LTBP1: variants seen among roughly 807,000 people sequenced by gnomAD.
The protein encoded by LTBP1 is latent transforming growth factor beta binding protein 1.
A neutral mutation model predicts 207.6 loss-of-function variants in LTBP1; 129 were observed. The observed-to-expected ratio is 0.62, with a 90% CI of 0.54 to 0.72. LTBP1 has a LOEUF of 0.72. Among genes scored for constraint, LTBP1 ranks in the 30% least tolerant of loss-of-function variants. The pLI, the probability that LTBP1 is intolerant of heterozygous loss-of-function variation, is 0.00. For missense variants in LTBP1, 2,281 were observed against 2,217.2 expected, an observed-to-expected ratio of 1.03 and a Z score of -0.58; for synonymous variants, 963 against 833.7, an observed-to-expected ratio of 1.16 and a Z score of -2.67.
At chr2:33,346,463 C>T (rs893694371) in intron 25 of LTBP1, among the ~76,000 whole-genome samples, 1 of 151,998 alleles carries the variant, frequency 6.6e-6, no homozygotes, top group Non-Finnish European at 1.5e-5. Context: ...GCAGGCGGAT[C>T]ACTTGAGGTC....
chr2:33,274,674 T>G (rs370985431), intron 16 of LTBP1, among the ~76,000 whole-genome samples: 2 of 152,230 alleles, frequency 1.3e-5, no homozygotes, highest in African/African-American at 4.8e-5. Flanking sequence ...CTTGGATGTC[T>G]CTCGTTATCA....
chr2:33,237,581 C>T (rs936250336), intron 9 of LTBP1, among the ~76,000 whole-genome samples: 1 of 152,200 alleles, frequency 6.6e-6, no homozygotes, highest in Non-Finnish European at 1.5e-5. Flanking sequence ...TTCATCAAAA[C>T]TTTGGAGCTG....
chr2:32,947,189 C>T lies in LTBP1; in HGVS notation c.-136C>T. 1 of 583,316 alleles carries T rather than the reference C, an allele frequency of 1.7e-6. No individual in the cohort carries two copies. The highest frequency in any genetic ancestry group is 2.5e-6 in the Non-Finnish European group (1 of 404,794). 36.1% of individuals were successfully genotyped at this position (583,316 alleles called of 1,614,324 possible). On this transcript the variant is annotated 5_prime_UTR_variant, in exon 1 of 34. Coordinates refer to ENST00000404816, the MANE Select transcript of LTBP1 (RefSeq NM_206943.4). ...CCCGCAGAGCCTCCTCCCTCGCCAC[C>T]GACTTGGTCTCCTCCCGCCTTTCCC...
At position 32,950,548 on chromosome 2, in the gene LTBP1, C is replaced by G. The variant is rs1212559438; in HGVS notation, c.565+1603C>G. Among the ~76,000 whole-genome samples, 5 of 108,198 alleles carry G rather than the reference C, an allele frequency of 4.6e-5. No individual in the cohort carries two copies. The East Asian group carries it at 1.4e-3, about 31-fold the overall frequency. 71.0% of individuals were successfully genotyped at this position (108,198 alleles called of 152,430 possible). On this transcript the variant is annotated intron_variant, in intron 2 of 33. Transcript: ENST00000404816. Reference sequence around the variant, plus strand: ...CACTCCAGCCTGGGTGACAATGACTCTGTCTCAAAAAAAAAAAAAAAAAAA... The same window carrying G: ...CACTCCAGCCTGGGTGACAATGACTGTGTCTCAAAAAAAAAAAAAAAAAAA...
intron 2 of LTBP1, among the ~76,000 whole-genome samples, chr2:33,017,867 C>T (rs922728872): frequency 5.9e-5 from 9 of 152,278 alleles, no homozygotes; most frequent in East Asian, 5.8e-4. Context: ...CCGCCCACCT[C>T]GGCCTCCCAA....
intron 3 of LTBP1, among the ~76,000 whole-genome samples, chr2:33,031,688 C>T (rs2075698297): frequency 3.3e-5 from 5 of 151,926 alleles, no homozygotes; most frequent in Admixed American, 3.3e-4. Flanking sequence ...AACAGGTGGA[C>T]GATAGGGTGG....
At chr2:33,264,255 C>CAAAAAA (rs33981203) in intron 15 of LTBP1, among the ~76,000 whole-genome samples, 1 of 91,230 alleles carries the variant, frequency 1.1e-5, no homozygotes. Flanking sequence ...GACTCTGTCT[C>CAAAAAA]AAAAAAAAAA....
chr2:33,320,303 A>G (rs2149325587), intron 24 of LTBP1, among the ~76,000 whole-genome samples: 1 of 152,008 alleles, frequency 6.6e-6, no homozygotes, highest in South Asian at 2.1e-4. Context: ...TGGGAACTGG[A>G]AGTTGCAGTG....
chr2:33,248,005 A>C (rs1305588195), intron 10 of LTBP1, among the ~76,000 whole-genome samples: 2 of 152,170 alleles, frequency 1.3e-5, no homozygotes, highest in Non-Finnish European at 2.9e-5. Flanking sequence ...TTTTGGTTTC[A>C]AAGGATGACA....
intron 3 of LTBP1, among the ~76,000 whole-genome samples, chr2:33,096,050 T>A (rs2079367866): frequency 6.6e-6 from 1 of 151,928 alleles, no homozygotes; most frequent in South Asian, 2.1e-4. Context: ...CCAGGCAAGA[T>A]TAATAAAAAG....
At chr2:32,966,245 C>T (rs1013434401) in intron 2 of LTBP1, among the ~76,000 whole-genome samples, 13 of 152,032 alleles carry the variant, frequency 8.6e-5, no homozygotes, top group African/African-American at 2.7e-4. Context: ...CTTTATCAGA[C>T]GTGTCTCTTG....
At chr2:33,364,621 T>C (rs1387832066) in intron 30 of LTBP1, among the ~76,000 whole-genome samples, 1 of 152,178 alleles carries the variant, frequency 6.6e-6, no homozygotes, top group Admixed American at 6.5e-5. Flanking sequence ...TGGCTTAGGG[T>C]TCATCATCCC....
chr2:33,260,005 G>C (rs546985266), intron 13 of LTBP1, among the ~76,000 whole-genome samples: 2 of 152,194 alleles, frequency 1.3e-5, no homozygotes, highest in South Asian at 4.1e-4. Flanking sequence ...TATATAGTTA[G>C]TGAAGTACTT....
intron 2 of LTBP1, among the ~76,000 whole-genome samples, chr2:33,011,714 T>C (rs1687694541): frequency 6.6e-6 from 1 of 151,988 alleles, no homozygotes; most frequent in East Asian, 1.9e-4. Flanking sequence ...CATTAGTGTT[T>C]TGTTCCTGAT....
At chr2:33,024,185 T>G (rs564993611) in intron 3 of LTBP1, among the ~76,000 whole-genome samples, 2 of 152,348 alleles carry the variant, frequency 1.3e-5, no homozygotes, top group East Asian at 3.9e-4. Context: ...TTCTTGGAAC[T>G]TACAGTTTAG....
chr2:33,260,762 A>T (rs2092989027), intron 13 of LTBP1, among the ~76,000 whole-genome samples: 1 of 152,164 alleles, frequency 6.6e-6, no homozygotes, highest in African/African-American at 2.4e-5. Flanking sequence ...TTGATTTTGA[A>T]TTTAGTCCTG....
chr2:33,239,667 C>G (rs994858375), intron 9 of LTBP1, among the ~76,000 whole-genome samples: 7 of 150,114 alleles, frequency 4.7e-5, no homozygotes, highest in Non-Finnish European at 1.0e-4. Context: ...CCGAGGTGGG[C>G]GGATCACTTG....
In LTBP1 at chr2:32,984,148, C is replaced by T. The variant is rs149759548; in HGVS notation, c.565+35203C>T. 8.5e-5 allele frequency among the ~76,000 whole-genome samples: 13 copies of T among 152,254 alleles called. No individual in the cohort carries two copies. The East Asian group carries it at 9.7e-4, about 11-fold the overall frequency. ...ATGACTTTTTTTGGAAATTACCTAC[C>T]GTGTGATAAGGTGTCAGGGATAGAG... is the stretch of plus-strand genomic sequence containing the variant. On this transcript the variant is annotated intron_variant, in intron 2 of 33. Coordinates refer to ENST00000404816, the MANE Select transcript of LTBP1 (RefSeq NM_206943.4).
At chr2:32,971,127 G>A (rs1269676876) in intron 2 of LTBP1, among the ~76,000 whole-genome samples, 5 of 151,518 alleles carry the variant, frequency 3.3e-5, no homozygotes, top group South Asian at 4.2e-4. Flanking sequence ...GCTTCTGATT[G>A]TTATATATTG....
Sources: gnomAD v4.1 joint callset for allele counts (sites outside exome capture counted in the v4.1 genomes callset) on GRCh38, gnomAD v4.1.1 for gene constraint, MANE v1.5 for transcripts, NCBI Gene and HGNC (gene_info 2026-07-23, HGNC 2026-07-21) for gene names.